ASXL3: variants seen among roughly 807,000 people sequenced by gnomAD.
ASXL3 encodes the protein ASXL transcriptional regulator 3.
Under a neutral mutation model 170.6 loss-of-function variants are expected in ASXL3, and 34 were observed. The observed-to-expected ratio is 0.20, with a 90% confidence interval of 0.15 to 0.27. The LOEUF is 0.27. ASXL3 is among the 10% of genes least tolerant of loss of function. The pLI is 1.00. For synonymous variants in ASXL3, 1,002 were observed against 989.1 expected, an observed-to-expected ratio of 1.01 and a Z score of -0.24; for missense variants, 2,592 against 2,695.3, an observed-to-expected ratio of 0.96 and a Z score of 0.85.
chr18:33,743,368 C>T lies in ASXL3; in HGVS notation c.3520C>T (p.His1174Tyr), dbSNP rs1426302668. The T allele has an allele frequency of 6.2e-7, 1 of 1,613,334 alleles. No individual in the cohort carries two copies. ...NCRSPSNKSA[H>Y]LRETTTVLQQ... ...TAGATCTCCTAGCAACAAGTCTGCC[C>T]ACCTCCGGGAGACCACCACTGTACT... is the stretch of plus-strand genomic sequence containing the variant. Residue 1174 changes from histidine to tyrosine, a missense_variant, in exon 12 of 12, where the codon CAC becomes TAC. His to Tyr is a moderately conservative substitution (Grantham distance 83). Transcript: ENST00000269197.
chr18:33,661,460 C>T (rs572153958), intron 4 of ASXL3, among the ~76,000 whole-genome samples, 156 bp from the exon 5 acceptor site: 147 of 152,082 alleles, frequency 9.7e-4, no homozygotes, highest in African/African-American at 3.4e-3. Context: ...TAAATGATTC[C>T]TTTTCTTCAT....
intron 1 of ASXL3, among the ~76,000 whole-genome samples, chr18:33,599,864 A>T (rs2065165638): frequency 6.6e-6 from 1 of 152,136 alleles, no homozygotes; most frequent in Admixed American, 6.6e-5. Flanking sequence ...TGTGGGTGCA[A>T]TTTCAGAAGC....
At chr18:33,667,143 C>A (rs2066270191) in intron 5 of ASXL3, among the ~76,000 whole-genome samples, 1 of 152,086 alleles carries the variant, frequency 6.6e-6, no homozygotes, top group South Asian at 2.1e-4. Context: ...TAATGCAGGC[C>A]ATAAAAATCT....
At chr18:33,687,123 T>G (rs2066609492) in intron 8 of ASXL3, among the ~76,000 whole-genome samples, 1 of 152,196 alleles carries the variant, frequency 6.6e-6, no homozygotes, top group Admixed American at 6.5e-5. Flanking sequence ...AGAGATTTTT[T>G]CTAGAGTAAC....
At chr18:33,687,329 C>T (rs912152836) in intron 8 of ASXL3, among the ~76,000 whole-genome samples, 2 of 152,094 alleles carry the variant, frequency 1.3e-5, no homozygotes, top group South Asian at 4.1e-4. Flanking sequence ...AGATGAACAC[C>T]ACTGTTTCAT....
In ASXL3 at chr18:33,638,146, T is replaced by A. The variant is rs142413097; in HGVS notation, c.138-6748T>A. Among the ~76,000 whole-genome samples, 551 of 150,416 alleles carry A rather than the reference T, an allele frequency of 3.7e-3. 3 individuals carry two copies. Among genetic ancestry groups the A allele is most frequent in the African/African-American group, 0.012 (506 of 41,032 alleles). Reference sequence around the variant, plus strand: ...TGCATGTGTATAGTATATATATATATAATACACGCACATAGTGTGTGTATA... The same window carrying A: ...TGCATGTGTATAGTATATATATATAAAATACACGCACATAGTGTGTGTATA... On this transcript the variant is annotated intron_variant, in intron 2 of 11. Coordinates refer to ENST00000269197, the MANE Select transcript of ASXL3 (RefSeq NM_030632.3).
At chr18:33,586,628 T>A (rs1293786064) in intron 1 of ASXL3, among the ~76,000 whole-genome samples, 1 of 152,098 alleles carries the variant, frequency 6.6e-6, no homozygotes, top group Non-Finnish European at 1.5e-5. Context: ...TTGGTGTATT[T>A]CAGGATGTTT....
chr18:33,722,078 T>A (rs780619171), intron 8 of ASXL3, among the ~76,000 whole-genome samples: 26 of 152,078 alleles, frequency 1.7e-4, no homozygotes, highest in Non-Finnish European at 3.7e-4. Flanking sequence ...AATCCATAAA[T>A]GTGTTCCGAC....
At chr18:33,655,226 A>T (rs2066063950) in intron 4 of ASXL3, among the ~76,000 whole-genome samples, 3 of 152,034 alleles carry the variant, frequency 2.0e-5, no homozygotes, top group Admixed American at 2.0e-4. Flanking sequence ...CTGATTCAAC[A>T]TTCCTCTTGG....
chr18:33,647,529 A>G (rs2065934018), intron 4 of ASXL3, among the ~76,000 whole-genome samples: 1 of 152,072 alleles, frequency 6.6e-6, no homozygotes, highest in African/African-American at 2.4e-5. Context: ...GGGAAAAGGC[A>G]GAGAATCACA....
intron 8 of ASXL3, among the ~76,000 whole-genome samples, chr18:33,685,186 A>AGAAAGAAT (rs1298659706): frequency 1.3e-5 from 2 of 152,212 alleles, no homozygotes; most frequent in African/African-American, 4.8e-5. Flanking sequence ...ACATGAAAGT[A>AGAAAGAAT]GAAAGAATAG....
chr18:33,683,660 A>G, intron 8 of ASXL3, 92 bp downstream of exon 8: 6 of 1,253,300 alleles, frequency 4.8e-6, no homozygotes, highest in Non-Finnish European at 6.4e-6. Flanking sequence ...ATATATGGAT[A>G]TAGTAATTTC....
chr18:33,655,390 G>T (rs115906576), intron 4 of ASXL3, among the ~76,000 whole-genome samples: 2 of 151,960 alleles, frequency 1.3e-5, no homozygotes, highest in Non-Finnish European at 2.9e-5. Flanking sequence ...GAGAATCAGT[G>T]CTTGTAATTT....
In ASXL3 at chr18:33,680,233, T is replaced by G. The variant is rs77607330; in HGVS notation, c.716-3172T>G. Among the ~76,000 whole-genome samples the G allele has an allele frequency of 2.0e-3, 306 of 152,190 alleles. 2 individuals carry two copies. Among genetic ancestry groups the G allele is most frequent in the African/African-American group, 7.1e-3 (296 of 41,578 alleles). On this transcript the variant is annotated intron_variant, in intron 7 of 11. Transcript: ENST00000269197. ...CGTGTAAAGCACATGCAAGTGTGCT[T>G]TTGAACATCTAAACATATAATGGAT...
intron 11 of ASXL3, 61 bp downstream of exon 11, chr18:33,740,504 A>T: frequency 7.1e-7 from 1 of 1,410,826 alleles, no homozygotes; most frequent in South Asian, 1.6e-5. Flanking sequence ...TTAGAAGCCT[A>T]ATTTTTCAAG....
At chr18:33,580,095 C>G (rs2064979655) in intron 1 of ASXL3, among the ~76,000 whole-genome samples, 1 of 152,140 alleles carries the variant, frequency 6.6e-6, no homozygotes, top group African/African-American at 2.4e-5. Context: ...GTGCCCAGGT[C>G]CCTTTACTTA....
chr18:33,741,563 G>T (rs2067663546), intron 11 of ASXL3, among the ~76,000 whole-genome samples: 1 of 152,130 alleles, frequency 6.6e-6, no homozygotes, highest in African/African-American at 2.4e-5. Flanking sequence ...AGAGCAAATT[G>T]AATCTTCTCC....
At chr18:33,693,881 G>A (rs987452543) in intron 8 of ASXL3, among the ~76,000 whole-genome samples, 1 of 152,126 alleles carries the variant, frequency 6.6e-6, no homozygotes, top group African/African-American at 2.4e-5. Context: ...TTGATTATGA[G>A]GTTCAGGCAG....
At chr18:33,676,050 C>T (rs1221120549) in intron 7 of ASXL3, among the ~76,000 whole-genome samples, 5 of 151,422 alleles carry the variant, frequency 3.3e-5, no homozygotes, top group African/African-American at 4.8e-5. Context: ...CAGTGAAACC[C>T]CGTCTCTACT....
Sources: gnomAD v4.1 joint callset for allele counts (sites outside exome capture counted in the v4.1 genomes callset) on GRCh38, gnomAD v4.1.1 for gene constraint, MANE v1.5 for transcripts, NCBI Gene and HGNC (gene_info 2026-07-23, HGNC 2026-07-21) for gene names.